Variants in ADAMTS12 observed in about 807,000 individuals in gnomAD.
ADAMTS12 encodes A disintegrin and metalloproteinase with thrombospondin motifs 12.
A neutral mutation model predicts 167.8 loss-of-function variants in ADAMTS12; 118 were observed. The observed-to-expected ratio is 0.70, with a 90% confidence interval of 0.61 to 0.82. The LOEUF is 0.82. Ranked by LOEUF, ADAMTS12 falls within the 40% of genes least tolerant of loss-of-function variation. The pLI is 0.00. For synonymous variants in ADAMTS12, 704 were observed against 716.9 expected, an observed-to-expected ratio of 0.98 and a Z score of 0.29; for missense variants, 1,916 against 1,998.8, an observed-to-expected ratio of 0.96 and a Z score of 0.79.
intron 2 of ADAMTS12, among the ~76,000 whole-genome samples, chr5:33,870,898 G>A (rs987167820): frequency 1.3e-5 from 2 of 152,110 alleles, no homozygotes; most frequent in Admixed American, 1.3e-4. Context: ...AGTTTTCTGA[G>A]GTATCCTCAA....
intron 5 of ADAMTS12, among the ~76,000 whole-genome samples, chr5:33,668,763 C>A (rs754415118): frequency 6.6e-6 from 1 of 152,182 alleles, no homozygotes; most frequent in Non-Finnish European, 1.5e-5. Flanking sequence ...GGATTACAGG[C>A]GTGAGCCTCC....
At chr5:33,702,547 A>T (rs1229453924) in intron 3 of ADAMTS12, among the ~76,000 whole-genome samples, 1 of 152,240 alleles carries the variant, frequency 6.6e-6, no homozygotes, top group Admixed American at 6.5e-5. Flanking sequence ...GATAAACAAG[A>T]GTCTACTGTA....
At chr5:33,855,572 C>T (rs546398853) in intron 2 of ADAMTS12, among the ~76,000 whole-genome samples, 1 of 152,136 alleles carries the variant, frequency 6.6e-6, no homozygotes, top group Non-Finnish European at 1.5e-5. Flanking sequence ...GGTGGTTAAA[C>T]AGGGAAACGA....
At chr5:33,643,970 G>C (rs985890301) in intron 9 of ADAMTS12, among the ~76,000 whole-genome samples, 1 of 152,222 alleles carries the variant, frequency 6.6e-6, no homozygotes, top group African/African-American at 2.4e-5. Flanking sequence ...TTTCCAGGAA[G>C]AGAGCTGCAT....
intron 22 of ADAMTS12, among the ~76,000 whole-genome samples, chr5:33,542,038 A>G (rs1744725852): frequency 6.6e-6 from 1 of 152,160 alleles, no homozygotes; most frequent in Non-Finnish European, 1.5e-5. Flanking sequence ...AAAGACACAG[A>G]CTAGCATTTT....
At chr5:33,673,768 C>T (rs1158491919) in intron 5 of ADAMTS12, among the ~76,000 whole-genome samples, 1 of 152,142 alleles carries the variant, frequency 6.6e-6, no homozygotes, top group African/African-American at 2.4e-5. Context: ...GCAACAACTG[C>T]TTGTATTAGC....
At chr5:33,819,518 T>C (rs530684103) in intron 2 of ADAMTS12, among the ~76,000 whole-genome samples, 2 of 152,322 alleles carry the variant, frequency 1.3e-5, no homozygotes, top group South Asian at 4.1e-4. Flanking sequence ...TCCAACTTTG[T>C]TTATCTTTCT....
In ADAMTS12 at chr5:33,615,892, T is replaced by C. The variant is rs1208540520; in HGVS notation, c.2324A>G (p.Asp775Gly). 1 of 1,614,146 alleles carries C rather than the reference T, an allele frequency of 6.2e-7. No individual in the cohort carries two copies. The highest frequency in any genetic ancestry group is 1.7e-5 in the Admixed American group (1 of 60,012). The change falls in exon 15 of 24, where the codon GAC (aspartate) becomes GGC (glycine). Residue 775 changes from aspartate (D) to glycine (G), a missense_variant. Transcript: ENST00000504830. The stretch of plus-strand genomic sequence containing the variant: ...CAGCTTTTCCAGGTCTCCTTTCCTG[T>C]CATACTGAAAGACAGTCCCTGCCAG... ...YKLAGTVFQY[D>G]RKGDLEKLMA...
At chr5:33,793,297 C>T (rs1246968026) in intron 2 of ADAMTS12, among the ~76,000 whole-genome samples, 1 of 152,244 alleles carries the variant, frequency 6.6e-6, no homozygotes, top group Non-Finnish European at 1.5e-5. Flanking sequence ...CACTTAAAAT[C>T]ATGGGTGAAG....
intron 5 of ADAMTS12, among the ~76,000 whole-genome samples, chr5:33,670,131 C>T (rs975140985): frequency 1.3e-4 from 18 of 143,338 alleles, no homozygotes; most frequent in South Asian, 7.2e-4. Flanking sequence ...ATTTAAAATA[C>T]GTAAAGAGCT....
chr5:33,637,708 T>C lies in ADAMTS12; in HGVS notation c.1757A>G (p.Lys586Arg), dbSNP rs754063455. The C allele has an allele frequency of 6.2e-7, 1 of 1,613,600 alleles. No homozygotes were observed. Among genetic ancestry groups the C allele is most frequent in the Non-Finnish European group, 8.5e-7 (1 of 1,179,636 alleles). The change falls in exon 12 of 24, where the codon AAA (lysine) becomes AGA (arginine). Residue 586 changes from lysine to arginine, a missense_variant. Physicochemically the swap from Lys to Arg is conservative, Grantham distance 26. Coordinates refer to ENST00000504830, the MANE Select transcript of ADAMTS12 (RefSeq NM_030955.4). ...FGGKYCTGER[K>R]RYRLCNVHPC... ...GTGGACGTTGCACAAGCGATAGCGT[T>C]TTCTTTCTCCAGTGCAATATTTCCC...
At chr5:33,577,629 C>T (rs889923142) in intron 18 of ADAMTS12, among the ~76,000 whole-genome samples, 1 of 152,196 alleles carries the variant, frequency 6.6e-6, no homozygotes, top group Non-Finnish European at 1.5e-5. Context: ...ACTATCATAA[C>T]TCACACATTT....
At chr5:33,587,920 C>T (rs1437411506) in intron 18 of ADAMTS12, among the ~76,000 whole-genome samples, 1 of 152,170 alleles carries the variant, frequency 6.6e-6, no homozygotes, top group Non-Finnish European at 1.5e-5. Flanking sequence ...GACTTTGGGG[C>T]CTTCCACTAA....
intron 17 of ADAMTS12, 124 bp downstream of exon 17, chr5:33,595,810 G>T (rs761278534): frequency 7.1e-7 from 1 of 1,406,074 alleles, no homozygotes; most frequent in Non-Finnish European, 9.7e-7. Context: ...CTCTAACCGC[G>T]TTCTTGTATT....
At chr5:33,614,513 C>A (rs1738886066) in intron 15 of ADAMTS12, 137 bp from the exon 16 acceptor site, 2 of 997,874 alleles carry the variant, frequency 2.0e-6, no homozygotes, top group Non-Finnish European at 3.0e-6. Flanking sequence ...TTAAATAGAT[C>A]TATACCTATG....
intron 2 of ADAMTS12, chr5:33,880,789 C>A (rs1169488271): frequency 7.1e-6 from 2 of 280,488 alleles, no homozygotes; most frequent in Non-Finnish European, 1.4e-5. Context: ...CGCTGTCCAG[C>A]CAGTCAGTTG....
At chr5:33,714,101 G>A (rs1203496042) in intron 3 of ADAMTS12, among the ~76,000 whole-genome samples, 8 of 152,052 alleles carry the variant, frequency 5.3e-5, no homozygotes, top group Non-Finnish European at 8.8e-5. Context: ...GTTTCTTTTA[G>A]AGAGTTTTAC....
chr5:33,619,159 T>G (rs55753432), intron 14 of ADAMTS12, among the ~76,000 whole-genome samples: 3,541 of 152,320 alleles, frequency 0.023, 149 homozygotes, highest in African/African-American at 0.08. Flanking sequence ...CCTGACTTTA[T>G]GGACAAAGCA....
intron 12 of ADAMTS12, among the ~76,000 whole-genome samples, chr5:33,632,684 C>G (rs981917654): frequency 6.6e-6 from 1 of 152,290 alleles, no homozygotes; most frequent in African/African-American, 2.4e-5. Flanking sequence ...GGGAACAATT[C>G]TATTCTCCTA....
Sources: gnomAD v4.1 joint callset for allele counts (sites outside exome capture counted in the v4.1 genomes callset) on GRCh38, gnomAD v4.1.1 for gene constraint, MANE v1.5 for transcripts, NCBI Gene and HGNC (gene_info 2026-07-23, HGNC 2026-07-21) for gene names.